Variants in DSCAM observed in about 807,000 individuals in gnomAD.
DSCAM encodes the protein cell adhesion molecule DSCAM.
Under a neutral mutation model 217.7 loss-of-function variants are expected in DSCAM, and 47 were observed. That is an observed-to-expected ratio of 0.22 (90% CI 0.17 to 0.28). The LOEUF is 0.28. DSCAM is among the 10% of genes least tolerant of loss of function. DSCAM has a pLI of 1.00. For synonymous variants in DSCAM, 1,056 were observed against 1,015.3 expected, an observed-to-expected ratio of 1.04 and a Z score of -0.76; for missense variants, 2,080 against 2,618.3, an observed-to-expected ratio of 0.79 and a Z score of 4.49.
intron 11 of DSCAM, among the ~76,000 whole-genome samples, chr21:40,206,794 C>T (rs2091131883): frequency 6.6e-6 from 1 of 152,002 alleles, no homozygotes. Flanking sequence ...GACTGTAGTC[C>T]CAGCTAGCTG....
chr21:40,408,030 A>G (rs1375279248), intron 3 of DSCAM, among the ~76,000 whole-genome samples: 1 of 152,118 alleles, frequency 6.6e-6, no homozygotes, highest in Non-Finnish European at 1.5e-5. Flanking sequence ...TTTACACAGC[A>G]CTACAGAACT....
At chr21:40,616,775 T>C (rs544426672) in intron 3 of DSCAM, among the ~76,000 whole-genome samples, 166 of 152,146 alleles carry the variant, frequency 1.1e-3, no homozygotes, top group African/African-American at 3.7e-3. Context: ...CCCAGCACTT[T>C]GGGAGGCCGA....
At chr21:40,245,008 G>A (rs1357935957) in intron 11 of DSCAM, among the ~76,000 whole-genome samples, 3 of 149,392 alleles carry the variant, frequency 2.0e-5, no homozygotes, top group African/African-American at 7.3e-5. Context: ...GGGAGGGAGG[G>A]AGGGATGCTC....
intron 8 of DSCAM, among the ~76,000 whole-genome samples, chr21:40,337,121 G>A (rs894489475): frequency 6.6e-5 from 10 of 152,084 alleles, no homozygotes; most frequent in African/African-American, 2.4e-4. Flanking sequence ...GTGTGTGTCT[G>A]TATGCGTTCT....
intron 3 of DSCAM, among the ~76,000 whole-genome samples, chr21:40,426,646 G>A (rs2075477659): frequency 6.6e-6 from 1 of 152,206 alleles, no homozygotes; most frequent in South Asian, 2.1e-4. Flanking sequence ...TGACATGAGA[G>A]ATGAAGAAAA....
intron 3 of DSCAM, among the ~76,000 whole-genome samples, chr21:40,386,745 T>C (rs2075089365): frequency 6.6e-6 from 1 of 152,240 alleles, no homozygotes; most frequent in Admixed American, 6.5e-5. Context: ...AATGAAAATT[T>C]GTCAAATTAC....
At position 40,074,955 on chromosome 21, in the gene DSCAM, T is replaced by A. The variant is rs868349320; in HGVS notation, c.4888+82A>T. 34 of 1,452,270 alleles carry A rather than the reference T, an allele frequency of 2.3e-5. No homozygotes were observed. In the African/African-American group the frequency reaches 3.9e-4, roughly 17 times the overall value. The allele number at this position is 1,452,270 out of a possible 1,614,324, so 90.0% of individuals were successfully genotyped here. A position where few individuals can be genotyped will look rare whatever the true frequency, so the allele number is the denominator to read the frequency against. On this transcript the variant is annotated intron_variant, in intron 27 of 32. Transcript: ENST00000400454. ...AGGGAAGAGTCACTCCCTTTTGAGGTTTGTTCTCCAGCTGGCATCTCTCCC... is the reference window on the plus strand; with the variant it reads ...AGGGAAGAGTCACTCCCTTTTGAGGATTGTTCTCCAGCTGGCATCTCTCCC...
intron 3 of DSCAM, among the ~76,000 whole-genome samples, chr21:40,602,929 T>G (rs2077073493): frequency 6.8e-6 from 1 of 148,024 alleles, no homozygotes; most frequent in African/African-American, 2.5e-5. Context: ...CGACTATTGA[T>G]TTCAAATCTT....
At chr21:40,542,759 T>C (rs916802337) in intron 3 of DSCAM, among the ~76,000 whole-genome samples, 1 of 152,200 alleles carries the variant, frequency 6.6e-6, no homozygotes, top group East Asian at 1.9e-4. Flanking sequence ...CAACCCAAAA[T>C]GGGCTAAGGT....
intron 11 of DSCAM, among the ~76,000 whole-genome samples, chr21:40,249,542 C>T (rs922246792): frequency 1.3e-5 from 2 of 152,094 alleles, no homozygotes; most frequent in African/African-American, 4.8e-5. Context: ...AGCATGAAAA[C>T]AAAACGATAC....
chr21:40,280,751 C>G (rs1004131216), intron 10 of DSCAM, among the ~76,000 whole-genome samples: 4 of 152,200 alleles, frequency 2.6e-5, no homozygotes, highest in Non-Finnish European at 5.9e-5. Context: ...TACTGAGCAC[C>G]TGTACTGTGA....
intron 3 of DSCAM, among the ~76,000 whole-genome samples, chr21:40,455,285 C>A (rs2075754298): frequency 6.6e-6 from 1 of 151,878 alleles, no homozygotes; most frequent in Non-Finnish European, 1.5e-5. Flanking sequence ...ATGAAAAGAA[C>A]TGAATGAAGC....
At chr21:40,169,071 T>TAA (rs2090627994) in intron 15 of DSCAM, among the ~76,000 whole-genome samples, 1 of 152,034 alleles carries the variant, frequency 6.6e-6, no homozygotes, top group Non-Finnish European at 1.5e-5. Flanking sequence ...AAAGGTAAAC[T>TAA]TGAAGGAATA....
In DSCAM at chr21:40,167,284, A is replaced by G. The variant is rs778916521; in HGVS notation, c.2952T>C (p.Pro984=). ...ELTITADEAA[P]DGPPQEVHLE... is the part of the protein sequence containing the mutation. ...GGTGAACTTCCTGAGGTGGACCATC[A>G]GGAGCTGTAAGGACCAAAAACCCAC... is the stretch of plus-strand genomic sequence containing the variant. Residue 984 remains proline (P), a synonymous_variant, in exon 16 of 33, where the codon CCT becomes CCC. Coordinates refer to ENST00000400454, the MANE Select transcript of DSCAM (RefSeq NM_001389.5). The G allele has an allele frequency of 1.2e-6, 2 of 1,613,938 alleles. No individual in the cohort carries two copies. Among genetic ancestry groups the G allele is most frequent in the Non-Finnish European group, 1.7e-6 (2 of 1,179,986 alleles).
chr21:40,724,937 G>T (rs937330111), intron 1 of DSCAM, among the ~76,000 whole-genome samples: 1 of 152,108 alleles, frequency 6.6e-6, no homozygotes, highest in African/African-American at 2.4e-5. Flanking sequence ...TAACGCACAG[G>T]TTTAAGTTTC....
In DSCAM at chr21:40,075,152, C is replaced by T; in HGVS notation, c.4773G>A (p.Glu1591=). 6.2e-7 allele frequency: 1 copy of T among 1,614,252 alleles called. No homozygotes were observed. Among genetic ancestry groups the T allele is most frequent in the Non-Finnish European group, 8.5e-7 (1 of 1,180,044 alleles). The stretch of plus-strand genomic sequence containing the variant: ...AGATGGTCACCAGCATCTTGAGCCC[C>T]TCGTTGGTCGTCAGCCCTTCTTCGT... ...VQNEEGLTTN[E]GLKMLVTISC... is the part of the protein sequence containing the mutation. The change falls in exon 27 of 33, where the codon GAG becomes GAA. Residue 1591 remains glutamate, a synonymous_variant. Transcript: ENST00000400454.
chr21:40,837,119 C>T (rs2092063419), intron 1 of DSCAM, among the ~76,000 whole-genome samples: 2 of 152,192 alleles, frequency 1.3e-5, no homozygotes, highest in Non-Finnish European at 2.9e-5. Flanking sequence ...CTGTGGTCTA[C>T]CTCTTATCCT....
In DSCAM at chr21:40,183,121, G is replaced by A. The variant is rs534877985; in HGVS notation, c.2779+4010C>T. On this transcript the variant is annotated intron_variant, in intron 14 of 32. Coordinates refer to ENST00000400454, the MANE Select transcript of DSCAM (RefSeq NM_001389.5). ...GGGGGGGGTTACCAGAGAAACCGTG[G>A]ACAGGAGAGGCAACAAGAGAACCTG... is the stretch of plus-strand genomic sequence containing the variant. Among the ~76,000 whole-genome samples, 16 of 145,134 alleles carry A rather than the reference G, an allele frequency of 1.1e-4. 6 individuals are homozygous for A. The highest frequency in any genetic ancestry group is 3.3e-4 in the African/African-American group (12 of 36,778).
chr21:40,153,722 G>A (rs1047916574), intron 16 of DSCAM, among the ~76,000 whole-genome samples: 4 of 152,174 alleles, frequency 2.6e-5, no homozygotes, highest in Non-Finnish European at 5.9e-5. Flanking sequence ...AACTCTGGGG[G>A]TGGAGCCTGG....
Sources: allele counts gnomAD v4.1 joint callset (sites outside exome capture counted in the v4.1 genomes callset), GRCh38; gene constraint gnomAD v4.1.1; transcripts MANE v1.5; gene names NCBI Gene and HGNC (gene_info 2026-07-23, HGNC 2026-07-21).